EBF2: variants seen among roughly 807,000 people sequenced by gnomAD.
EBF2 encodes the protein transcription factor COE2.
A neutral mutation model predicts 72.8 loss-of-function variants in EBF2; 21 were observed. The observed-to-expected ratio is 0.29, with a 90% CI of 0.20 to 0.42. The LOEUF is 0.42. Among genes scored for constraint, EBF2 ranks in the 10% least tolerant of loss-of-function variants. The pLI is 1.00. For synonymous variants in EBF2, 299 were observed against 274.2 expected, an observed-to-expected ratio of 1.09 and a Z score of -0.89; for missense variants, 637 against 731.2, an observed-to-expected ratio of 0.87 and a Z score of 1.49.
At chr8:25,885,528 T>G (rs1802674687) in intron 10 of EBF2, among the ~76,000 whole-genome samples, 1 of 152,228 alleles carries the variant, frequency 6.6e-6, no homozygotes, top group South Asian at 2.1e-4. Flanking sequence ...CTGATATGGT[T>G]TGGCTGTGTC....
intron 6 of EBF2, among the ~76,000 whole-genome samples, chr8:25,928,442 A>C (rs913380890): frequency 2.0e-5 from 3 of 152,110 alleles, no homozygotes; most frequent in African/African-American, 7.2e-5. Flanking sequence ...TGGCCCAGAA[A>C]CCAAATGTGA....
intron 10 of EBF2, among the ~76,000 whole-genome samples, chr8:25,883,430 A>G (rs902812180): frequency 6.8e-6 from 1 of 146,830 alleles, no homozygotes; most frequent in South Asian, 2.2e-4. Flanking sequence ...TTTTTTTTTT[A>G]ACTTCTGTCA....
In EBF2 at chr8:25,861,179, G is replaced by T; in HGVS notation, c.1212C>A (p.Ser404Arg). The change falls in exon 13 of 16, where the codon AGC becomes AGA. Residue 404 changes from serine to arginine, a missense_variant. Transcript: ENST00000520164. ...GAAGCTGGCTGGGATTCCTGGGGAC[G>T]CTGTAGAGAGCTTCAGCAATGTCTG... ...RAADIAEALY[S>R]VPRNPSQLPA... 1.2e-6 allele frequency: 2 copies of T among 1,613,834 alleles called. No homozygotes were observed. The highest frequency in any genetic ancestry group is 1.1e-5 in the South Asian group (1 of 91,034).
intron 15 of EBF2, among the ~76,000 whole-genome samples, chr8:25,847,884 C>T (rs1801871166): frequency 6.6e-6 from 1 of 152,144 alleles, no homozygotes; most frequent in Non-Finnish European, 1.5e-5. Flanking sequence ...CTACTCCAAA[C>T]ATTTTATCTT....
chr8:25,870,790 G>C (rs1259084538), intron 10 of EBF2, among the ~76,000 whole-genome samples: 1 of 151,938 alleles, frequency 6.6e-6, no homozygotes, highest in Non-Finnish European at 1.5e-5. Flanking sequence ...AAGTAGATAA[G>C]GCAGAATTGT....
At position 26,044,591 on chromosome 8, in the gene EBF2, G is replaced by T; in HGVS notation, c.131+138C>A. ...CAGCGATCTGCTTGCCCGAGGGCGA[G>T]CCCCAGCGCGCAGGGCCTGGGCGAC... On this transcript the variant is annotated intron_variant, in intron 1 of 15. Coordinates refer to ENST00000520164, the MANE Select transcript of EBF2 (RefSeq NM_022659.4). This position sits in a 1 kb window ranked among gnomAD's most constrained non-coding sequence, Gnocchi z 4.1. 1 of 1,304,272 alleles carries T rather than the reference G, an allele frequency of 7.7e-7. No individual in the cohort carries two copies. The highest frequency in any genetic ancestry group is 1.0e-6 in the Non-Finnish European group (1 of 953,614). The allele number at this position is 1,304,272 out of a possible 1,614,324, so 80.8% of individuals were successfully genotyped here. A position where few individuals can be genotyped will look rare whatever the true frequency, so the allele number is the denominator to read the frequency against.
chr8:25,844,520 C>G lies in EBF2; in HGVS notation c.*89G>C. 1 of 1,466,614 alleles carries G rather than the reference C, an allele frequency of 6.8e-7. No homozygotes were observed. The highest frequency in any genetic ancestry group is 9.5e-7 in the Non-Finnish European group (1 of 1,048,240). The allele number at this position is 1,466,614 out of a possible 1,614,324, so 90.9% of individuals were successfully genotyped here. A position where few individuals can be genotyped will look rare whatever the true frequency, so the allele number is the denominator to read the frequency against. On this transcript the variant is annotated 3_prime_UTR_variant, in exon 16 of 16. Coordinates refer to ENST00000520164, the MANE Select transcript of EBF2 (RefSeq NM_022659.4). ...GTCCATCATGTTCATGTGGGGGCACCACTACACCCCCAAAAGAGCTCCTAG... is the reference window on the plus strand; with the variant it reads ...GTCCATCATGTTCATGTGGGGGCACGACTACACCCCCAAAAGAGCTCCTAG...
intron 14 of EBF2, among the ~76,000 whole-genome samples, chr8:25,851,172 C>A (rs1272644041): frequency 6.6e-6 from 1 of 152,044 alleles, no homozygotes; most frequent in Admixed American, 6.5e-5. Flanking sequence ...TCACACCCTA[C>A]AAAAAAAGTC....
At position 25,858,423 on chromosome 8, in the gene EBF2, G is replaced by T; in HGVS notation, c.1424C>A (p.Ser475Tyr). 6.2e-7 allele frequency: 1 copy of T among 1,614,140 alleles called. No individual in the cohort carries two copies. The highest frequency in any genetic ancestry group is 2.2e-5 in the East Asian group (1 of 44,868). Residue 475 changes from serine to tyrosine, a missense_variant, in exon 14 of 16, where the codon TCC (serine) becomes TAC (tyrosine). Transcript: ENST00000520164. ...GCTGTAGCCATTCATACTGTTGCTGGAGGTACTGTAATTAGACTGTTGAGG... is the reference window on the plus strand; with the variant it reads ...GCTGTAGCCATTCATACTGTTGCTGTAGGTACTGTAATTAGACTGTTGAGG... ...STPQQSNYST[S>Y]SNSMNGYSNV... is the part of the protein sequence containing the mutation.
intron 6 of EBF2, among the ~76,000 whole-genome samples, chr8:25,932,452 C>T (rs7840541): frequency 0.13 from 19,978 of 151,762 alleles, 1,448 homozygotes; most frequent in South Asian, 0.22. Flanking sequence ...TGATCCAAAA[C>T]CCAAATATGC....
At chr8:26,023,763 G>A (rs1254445476) in intron 6 of EBF2, among the ~76,000 whole-genome samples, 2 of 152,152 alleles carry the variant, frequency 1.3e-5, no homozygotes, top group Non-Finnish European at 2.9e-5. Context: ...ATCAACAAAA[G>A]CTTTGGAGTG....
intron 7 of EBF2, among the ~76,000 whole-genome samples, chr8:25,905,919 A>G (rs545652402): frequency 2.6e-4 from 39 of 152,364 alleles, no homozygotes; most frequent in African/African-American, 9.1e-4. Flanking sequence ...GAGAATCCAC[A>G]AAGTCTAAAC....
intron 7 of EBF2, 58 bp from the exon 8 acceptor site, chr8:25,889,927 G>A (rs1802751027): frequency 1.4e-6 from 2 of 1,448,000 alleles, no homozygotes; most frequent in African/African-American, 2.8e-5. Context: ...TTCACATGAA[G>A]TAGCAAATGC....
intron 6 of EBF2, among the ~76,000 whole-genome samples, chr8:25,943,690 C>T (rs1313758358): frequency 6.6e-6 from 1 of 152,092 alleles, no homozygotes; most frequent in Non-Finnish European, 1.5e-5. Context: ...AACTCCTCGT[C>T]CCTTAAAACG....
chr8:25,949,286 T>C (rs746018901), intron 6 of EBF2, among the ~76,000 whole-genome samples: 2 of 152,236 alleles, frequency 1.3e-5, no homozygotes, highest in Non-Finnish European at 2.9e-5. Flanking sequence ...GCACGTTCTG[T>C]AACTGCTACG....
intron 6 of EBF2, among the ~76,000 whole-genome samples, chr8:25,937,407 C>G (rs1803597556): frequency 6.6e-6 from 1 of 152,182 alleles, no homozygotes. Flanking sequence ...TATCTCCCCT[C>G]TATTCTCTCT....
At chr8:25,965,589 T>G (rs767128824) in intron 6 of EBF2, among the ~76,000 whole-genome samples, 1 of 152,228 alleles carries the variant, frequency 6.6e-6, no homozygotes, top group Non-Finnish European at 1.5e-5. Context: ...CAGCAGGAGA[T>G]GACAGACAGC....
At chr8:26,043,637 T>C (rs1020053890) in intron 1 of EBF2, among the ~76,000 whole-genome samples, 3 of 152,158 alleles carry the variant, frequency 2.0e-5, no homozygotes, top group Non-Finnish European at 4.4e-5. Context: ...AAACTTCTGC[T>C]TTCTCCGCTC....
intron 10 of EBF2, among the ~76,000 whole-genome samples, chr8:25,879,252 C>T (rs1420367496): frequency 6.6e-6 from 1 of 152,118 alleles, no homozygotes; most frequent in Non-Finnish European, 1.5e-5. Context: ...CCATCCATGG[C>T]ATTATTTTTA....
Sources: allele counts gnomAD v4.1 joint callset (sites outside exome capture counted in the v4.1 genomes callset), GRCh38; gene constraint gnomAD v4.1.1; non-coding constraint Gnocchi (gnomAD v3.1); transcripts MANE v1.5; gene names NCBI Gene and HGNC (gene_info 2026-07-23, HGNC 2026-07-21).